The following SPATA18 variants were observed in gnomAD, a reference collection of about 807,000 sequenced individuals.
SPATA18 encodes the protein spermatogenesis associated 18.
A neutral mutation model predicts 68.1 loss-of-function variants in SPATA18; 54 were observed. That is an observed-to-expected ratio of 0.79 (90% CI 0.64 to 0.99). The LOEUF (loss-of-function observed/expected upper bound fraction) is 0.99. SPATA18 is among the 50% of genes least tolerant of loss of function. The pLI, the probability that SPATA18 is intolerant of heterozygous loss-of-function variation, is 0.00. For synonymous variants in SPATA18, 242 were observed against 244.8 expected, an observed-to-expected ratio of 0.99 and a Z score of 0.11; for missense variants, 724 against 681.1, an observed-to-expected ratio of 1.06 and a Z score of -0.70.
At chr4:52,083,252 T>G in intron 10 of SPATA18, 1 of 985,360 alleles carries the variant, frequency 1.0e-6, no homozygotes, top group Non-Finnish European at 1.2e-6. Context: ...ATGAAGCCCC[T>G]TAGTCCAGGA....
At chr4:52,064,818 G>T (rs924383336) in intron 4 of SPATA18, among the ~76,000 whole-genome samples, 1 of 152,142 alleles carries the variant, frequency 6.6e-6, no homozygotes, top group Admixed American at 6.5e-5. Flanking sequence ...GGATCAAATT[G>T]TAGTTCTACT....
chr4:52,082,658 A>G, intron 10 of SPATA18, 148 bp downstream of exon 10: 1 of 1,526,482 alleles, frequency 6.6e-7, no homozygotes, highest in Non-Finnish European at 8.8e-7. Flanking sequence ...GATCTCAAGA[A>G]GAACTGATTC....
intron 6 of SPATA18, among the ~76,000 whole-genome samples, chr4:52,073,433 T>C (rs539403330): frequency 3.3e-4 from 51 of 152,266 alleles, no homozygotes; most frequent in Middle Eastern, 3.4e-3. Flanking sequence ...ACCCAGTACT[T>C]CCACATGTAT....
chr4:52,060,987 G>A lies in SPATA18; in HGVS notation c.309+90G>A, dbSNP rs1390534670. 1.3e-5 allele frequency: 13 copies of A among 1,021,564 alleles called. 1 individual carries two copies. The highest frequency in any genetic ancestry group is 1.9e-5 in the Non-Finnish European group (13 of 679,768). The allele number at this position is 1,021,564 out of a possible 1,614,324, so 63.3% of individuals were successfully genotyped here. ...CAAGAGAAGAAGAGGACTTGATTTTGGTAGACTGATAGAGTGTCACAATTT... is the reference window on the plus strand; with the variant it reads ...CAAGAGAAGAAGAGGACTTGATTTTAGTAGACTGATAGAGTGTCACAATTT... On this transcript the variant is annotated intron_variant, in intron 3 of 12. Coordinates refer to ENST00000295213, the MANE Select transcript of SPATA18 (RefSeq NM_145263.4).
At chr4:52,053,739 A>G (rs1027733374) in intron 1 of SPATA18, among the ~76,000 whole-genome samples, 1 of 152,080 alleles carries the variant, frequency 6.6e-6, no homozygotes, top group African/African-American at 2.4e-5. Context: ...TCTAACTTCA[A>G]AGTTCATACG....
Position 52,051,745 on chromosome 4 carries a change from T to G in SPATA18, c.41T>G (p.Leu14Ter), listed in dbSNP as rs756790683. Reference sequence around the variant, plus strand: ...AAAAGACTGGTCTCAAACGAAACTTTACGAACGTTGCAGGAAAAGCTAGAC... The same window carrying G: ...AAAAGACTGGTCTCAAACGAAACTTGACGAACGTTGCAGGAAAAGCTAGAC... ...NLKRLVSNET[L>*]RTLQEKLDFW... Residue 14 changes from leucine to a stop codon, truncating the protein, a stop_gained, in exon 1 of 13, where the codon TTA becomes TGA. Transcript: ENST00000295213. LOFTEE classifies it high-confidence loss of function. 3.1e-6 allele frequency: 5 copies of G among 1,614,194 alleles called. No individual in the cohort carries two copies.
At chr4:52,079,625 T>G in intron 8 of SPATA18, 119 bp from the exon 9 acceptor site, 1 of 1,170,828 alleles carries the variant, frequency 8.5e-7, no homozygotes, top group Non-Finnish European at 1.2e-6. Flanking sequence ...TTTTTCTGCT[T>G]TAACTTGCTT....
chr4:52,077,611 G>T (rs1157976731), intron 7 of SPATA18, among the ~76,000 whole-genome samples: 2 of 152,090 alleles, frequency 1.3e-5, no homozygotes, highest in Non-Finnish European at 2.9e-5. Context: ...ATACAAAGTA[G>T]ATTTGCACTG....
At chr4:52,072,190 G>A in intron 6 of SPATA18, 34 bp downstream of exon 6, 1 of 1,608,782 alleles carries the variant, frequency 6.2e-7, no homozygotes. Context: ...TCTCATTTAG[G>A]CTCTTTTTGC....
chr4:52,079,044 C>A, intron 8 of SPATA18, 151 bp downstream of exon 8: 5 of 785,234 alleles, frequency 6.4e-6, no homozygotes, highest in Non-Finnish European at 9.0e-6. Context: ...CTTGGTAGCA[C>A]CTGCCATTAT....
chr4:52,094,835 C>G lies in SPATA18; in HGVS notation c.1610-45C>G. On this transcript the variant is annotated intron_variant, in intron 12 of 12. Transcript: ENST00000295213. ...CATTTAGGTGCTTCCAAAAGAAAAT[C>G]GAAGAAAGTGACCATAATAATGAAC... 4 of 1,612,268 alleles carry G rather than the reference C, an allele frequency of 2.5e-6. No individual in the cohort carries two copies. The South Asian group carries it at 4.4e-5, about 18-fold the overall frequency.
At chr4:52,063,201 GTGCTC>G (rs1739036924) in intron 4 of SPATA18, among the ~76,000 whole-genome samples, 1 of 152,158 alleles carries the variant, frequency 6.6e-6, no homozygotes, top group Non-Finnish European at 1.5e-5. Context: ...ATAATGTGTG[GTGCTC>G]TGCCTTGTTC....
At chr4:52,071,890 C>G (rs374081380) in intron 5 of SPATA18, 27 bp from the exon 6 acceptor site, 3 of 1,609,022 alleles carry the variant, frequency 1.9e-6, no homozygotes, top group Non-Finnish European at 2.5e-6. Context: ...CTCTTCCCTT[C>G]CTCTGCCCTC....
In SPATA18 at chr4:52,058,298, T is replaced by TTTTGGGAGGAGAGATTA. The variant is rs558593827; in HGVS notation, c.88-2120_88-2104dup. Among the ~76,000 whole-genome samples, 790 of 152,222 alleles carry TTTTGGGAGGAGAGATTA rather than the reference T, an allele frequency of 5.2e-3. 2 individuals carry two copies. Among genetic ancestry groups the TTTTGGGAGGAGAGATTA allele is most frequent in the Middle Eastern group, 0.01 (3 of 294 alleles). Reference sequence around the variant, plus strand: ...CATTTTTAAAAAGAACTCATGATCTTTTTGGGAGGAGAGATTAGATGGATG... The same window carrying TTTTGGGAGGAGAGATTA: ...CATTTTTAAAAAGAACTCATGATCTTTTTGGGAGGAGAGATTATTTGGGAGGAGAGATTAGATGGATG... On this transcript the variant is annotated intron_variant, in intron 1 of 12. Coordinates refer to ENST00000295213, the MANE Select transcript of SPATA18 (RefSeq NM_145263.4).
At position 52,094,564 on chromosome 4, in the gene SPATA18, G is replaced by T. The variant is rs746103771; in HGVS notation, c.1601G>T (p.Gly534Val). The change falls in exon 12 of 13, where the codon GGA becomes GTA. Residue 534 changes from glycine to valine, a missense_variant. Gly to Val is a moderately radical substitution (Grantham distance 109, BLOSUM62 -3). Transcript: ENST00000295213. ...CGGAGTCCTTCTCCAATAAGATGTG[G>T]ATTGCCAAGTAAGTGGGATTAGTTC... The part of the protein sequence containing the change: ...RSRSPSPIRC[G>V]LPRF The T allele has an allele frequency of 4.3e-6, 7 of 1,613,836 alleles. No homozygotes were observed. The South Asian group carries it at 5.5e-5, about 13-fold the overall frequency.
At chr4:52,077,131 A>G in intron 7 of SPATA18, 91 bp downstream of exon 7, 1 of 1,385,590 alleles carries the variant, frequency 7.2e-7, no homozygotes, top group Non-Finnish European at 9.7e-7. Context: ...AGACTAGTGG[A>G]TCCTGAGGTC....
chr4:52,055,312 A>G (rs994180454), intron 1 of SPATA18, among the ~76,000 whole-genome samples: 1 of 152,184 alleles, frequency 6.6e-6, no homozygotes, highest in Non-Finnish European at 1.5e-5. Flanking sequence ...CCCTGCCTTC[A>G]TTCATGCCCA....
chr4:52,054,169 A>C (rs1347148574), intron 1 of SPATA18, among the ~76,000 whole-genome samples: 1 of 152,196 alleles, frequency 6.6e-6, no homozygotes, highest in East Asian at 1.9e-4. Context: ...CAGAATTTTT[A>C]ATTTGACTTA....
intron 1 of SPATA18, among the ~76,000 whole-genome samples, chr4:52,055,742 A>G (rs994720235): frequency 2.0e-5 from 3 of 152,182 alleles, no homozygotes; most frequent in Non-Finnish European, 4.4e-5. Flanking sequence ...AAAGCTCCTC[A>G]GGCAAAGGCT....
Sources: gnomAD v4.1 joint callset for allele counts (sites outside exome capture counted in the v4.1 genomes callset) on GRCh38, gnomAD v4.1.1 for gene constraint, MANE v1.5 for transcripts, NCBI Gene and HGNC (gene_info 2026-07-23, HGNC 2026-07-21) for gene names.